Variants in SMYD3 observed in about 807,000 individuals in gnomAD.
SMYD3 encodes SET and MYND domain containing 3.
Under a neutral mutation model 57.7 loss-of-function variants are expected in SMYD3, and 36 were observed. The observed-to-expected ratio is 0.62, with a 90% confidence interval of 0.48 to 0.82. The LOEUF is 0.82. Among genes scored for constraint, SMYD3 ranks in the 40% least tolerant of loss-of-function variants. The probability of loss-of-function intolerance (pLI) is 0.00; values close to 1 mark genes in which losing one functional copy is unlikely to be tolerated. For synonymous variants in SMYD3, 211 were observed against 195.0 expected (o/e 1.08, Z -0.68); for missense variants, 515 against 538.8 (o/e 0.96, Z 0.44).
chr1:246,183,868 C>T (rs1348648134), intron 5 of SMYD3, among the ~76,000 whole-genome samples: 1 of 152,052 alleles, frequency 6.6e-6, no homozygotes, highest in African/African-American at 2.4e-5. Flanking sequence ...GAAGTAAATG[C>T]GGTAGAAACA....
chr1:246,174,588 A>G (rs927390461), intron 5 of SMYD3, among the ~76,000 whole-genome samples: 3 of 152,214 alleles, frequency 2.0e-5, no homozygotes, highest in Non-Finnish European at 1.5e-5. Flanking sequence ...CTGGGACTAC[A>G]GGCACATGCC....
chr1:245,860,532 T>C lies in SMYD3; in HGVS notation c.902-1862A>G, dbSNP rs527863738. Among the ~76,000 whole-genome samples, 263 of 152,316 alleles carry C rather than the reference T, an allele frequency of 1.7e-3. 1 individual carries two copies. The highest frequency in any genetic ancestry group is 3.0e-3 in the Non-Finnish European group (201 of 68,028). On this transcript the variant is annotated intron_variant, in intron 9 of 11. Transcript: ENST00000490107. ...TTACTCCAAAAGATGAGTTCCTTGA[T>C]GAGAATTTAAAGCACCCCAATGCAC...
chr1:246,358,082 A>T (rs1350792996), intron 1 of SMYD3, among the ~76,000 whole-genome samples: 5 of 152,186 alleles, frequency 3.3e-5, no homozygotes. Context: ...CACCTAACAC[A>T]TAAGGACTCA....
intron 5 of SMYD3, among the ~76,000 whole-genome samples, chr1:245,959,275 A>C (rs1206744811): frequency 6.6e-6 from 1 of 152,010 alleles, no homozygotes; most frequent in Non-Finnish European, 1.5e-5. Flanking sequence ...AGCTCTTTAC[A>C]CTAAGTGAGG....
At chr1:245,884,117 A>C (rs2052945295) in intron 8 of SMYD3, among the ~76,000 whole-genome samples, 1 of 152,176 alleles carries the variant, frequency 6.6e-6, no homozygotes, top group Non-Finnish European at 1.5e-5. Context: ...ACCTGTACAA[A>C]ACAAATGCCA....
chr1:246,299,977 A>G (rs1398650231), intron 5 of SMYD3, among the ~76,000 whole-genome samples: 1 of 151,994 alleles, frequency 6.6e-6, no homozygotes, highest in African/African-American at 2.4e-5. Flanking sequence ...GTTTACCTAT[A>G]AAACAGTCCT....
intron 5 of SMYD3, among the ~76,000 whole-genome samples, chr1:246,008,461 C>T (rs1418581261): frequency 6.6e-6 from 1 of 152,224 alleles, no homozygotes; most frequent in African/African-American, 2.4e-5. Flanking sequence ...GCCCTCTGGG[C>T]TTCCCCTCCC....
intron 5 of SMYD3, among the ~76,000 whole-genome samples, chr1:246,315,777 A>G (rs1269423175): frequency 6.6e-6 from 1 of 152,246 alleles, no homozygotes; most frequent in Non-Finnish European, 1.5e-5. Context: ...ATGAAAATCA[A>G]CTTTTGAAGA....
intron 5 of SMYD3, among the ~76,000 whole-genome samples, chr1:246,155,797 T>C (rs2062013078): frequency 6.6e-6 from 1 of 151,890 alleles, no homozygotes; most frequent in South Asian, 2.1e-4. Context: ...CTGGCCAATA[T>C]GGGAAAATCC....
At chr1:246,506,978 G>GCCCCCCCCC in intron 1 of SMYD3, 76 bp downstream of exon 1, 3 of 1,174,516 alleles carry the variant, frequency 2.6e-6, no homozygotes, top group South Asian at 1.7e-5. Context: ...CGCGGCTGCC[G>GCCCCCCCCC]GCCGCCCGAC....
chr1:245,908,997 C>CA (rs1463295584), intron 8 of SMYD3, among the ~76,000 whole-genome samples: 1 of 151,022 alleles, frequency 6.6e-6, no homozygotes, highest in African/African-American at 2.4e-5. Flanking sequence ...GATTAAAGAA[C>CA]AATACAATAC....
At chr1:245,767,104 C>T (rs961810145) in intron 10 of SMYD3, among the ~76,000 whole-genome samples, 1 of 152,116 alleles carries the variant, frequency 6.6e-6, no homozygotes, top group Non-Finnish European at 1.5e-5. Flanking sequence ...AAAGGTGTGG[C>T]CTTCCATCCA....
At chr1:245,840,988 G>A (rs2050375215) in intron 10 of SMYD3, among the ~76,000 whole-genome samples, 1 of 152,204 alleles carries the variant, frequency 6.6e-6, no homozygotes, top group African/African-American at 2.4e-5. Flanking sequence ...GCATTTCACA[G>A]ACCGTGAGTT....
At chr1:245,988,020 G>T (rs536516301) in intron 5 of SMYD3, among the ~76,000 whole-genome samples, 1 of 151,912 alleles carries the variant, frequency 6.6e-6, no homozygotes, top group African/African-American at 2.4e-5. Context: ...GAGAATCACC[G>T]CTCCATACCT....
At chr1:246,463,020 A>G (rs1558476513) in intron 1 of SMYD3, among the ~76,000 whole-genome samples, 1 of 152,118 alleles carries the variant, frequency 6.6e-6, no homozygotes. Context: ...TGATATAGGA[A>G]GGAAAATGAA....
At chr1:245,984,684 C>T (rs925412199) in intron 5 of SMYD3, among the ~76,000 whole-genome samples, 6 of 152,232 alleles carry the variant, frequency 3.9e-5, no homozygotes, top group African/African-American at 1.2e-4. Context: ...CTGAGAACAA[C>T]TAATCTAAGA....
chr1:246,412,360 T>C (rs1049486435), intron 1 of SMYD3, among the ~76,000 whole-genome samples: 4 of 152,196 alleles, frequency 2.6e-5, no homozygotes, highest in Non-Finnish European at 4.4e-5. Flanking sequence ...CAAAACTGCA[T>C]TGCCTAATTA....
At chr1:246,385,485 C>T (rs1325403493) in intron 1 of SMYD3, among the ~76,000 whole-genome samples, 1 of 151,872 alleles carries the variant, frequency 6.6e-6, no homozygotes, top group Non-Finnish European at 1.5e-5. Flanking sequence ...TTTCTGCTCC[C>T]ACCTCAAATC....
intron 5 of SMYD3, among the ~76,000 whole-genome samples, chr1:246,038,214 C>A (rs2059810153): frequency 6.6e-6 from 1 of 152,038 alleles, no homozygotes; most frequent in Non-Finnish European, 1.5e-5. Context: ...TTAAAGATCT[C>A]TTATTTTACG....
Sources: gnomAD v4.1 joint callset for allele counts (sites outside exome capture counted in the v4.1 genomes callset) on GRCh38, gnomAD v4.1.1 for gene constraint, MANE v1.5 for transcripts, NCBI Gene and HGNC (gene_info 2026-07-23, HGNC 2026-07-21) for gene names.